The following DAB1 variants were observed in gnomAD, a reference collection of about 807,000 sequenced individuals.
DAB1 encodes disabled homolog 1.
In DAB1, 15 loss-of-function variants were observed where a neutral mutation model predicts 64.6. That is an observed-to-expected ratio of 0.23 (90% CI 0.16 to 0.36). The LOEUF is 0.36. DAB1 is among the 10% of genes least tolerant of loss of function. The probability of loss-of-function intolerance (pLI) is 1.00; values close to 1 mark genes in which losing one functional copy is unlikely to be tolerated. For missense variants in DAB1, 596 were observed against 706.7 expected, an observed-to-expected ratio of 0.84 and a Z score of 1.78; for synonymous variants, 235 against 251.9, an observed-to-expected ratio of 0.93 and a Z score of 0.64.
At chr1:57,785,335 A>C (rs2101850492) in intron 6 of DAB1, among the ~76,000 whole-genome samples, 1 of 152,318 alleles carries the variant, frequency 6.6e-6, no homozygotes, top group African/African-American at 2.4e-5. Flanking sequence ...ATCAAGGAGT[A>C]ATTTTGACTT....
rs932589778 is a variant in DAB1 at position 58,140,577 on chromosome 1, T to TA, written n.387+9933dup. ...ATCCTTTAGGAGTTCACAGGAGAAC[T>TA]AAAAAAAAAAAATCTCTAATTATAT... On this transcript the variant is annotated intron_variant and non_coding_transcript_variant, in intron 5 of 20. Coordinates refer to the DAB1 transcript ENST00000485760. Among the ~76,000 whole-genome samples, 681 of 146,380 alleles carry TA rather than the reference T, an allele frequency of 4.7e-3. 6 individuals are homozygous for TA. The highest frequency in any genetic ancestry group is 0.015 in the African/African-American group (589 of 40,216).
At chr1:57,327,786 C>T (rs1234195976) in intron 1 of DAB1, among the ~76,000 whole-genome samples, 1 of 152,054 alleles carries the variant, frequency 6.6e-6, no homozygotes, top group Non-Finnish European at 1.5e-5. Flanking sequence ...ATTTGAGCGG[C>T]CAAATCAATT....
At chr1:57,976,175 T>A (rs1222381641) in intron 5 of DAB1, among the ~76,000 whole-genome samples, 2 of 152,192 alleles carry the variant, frequency 1.3e-5, no homozygotes, top group African/African-American at 4.8e-5. Context: ...CTCTGGTTTT[T>A]CATTTCCCTG....
At chr1:58,534,241 T>A (rs536806050) in intron 1 of DAB1, 4 of 872,018 alleles carry the variant, frequency 4.6e-6, no homozygotes, top group Non-Finnish European at 8.0e-6. Flanking sequence ...ACATCTTTAT[T>A]GCATTCAATT....
At chr1:57,437,187 A>G (rs1391605302) in intron 7 of DAB1, among the ~76,000 whole-genome samples, 1 of 152,162 alleles carries the variant, frequency 6.6e-6, no homozygotes, top group African/African-American at 2.4e-5. Context: ...CCAAACCTTG[A>G]TATTCTGTAA....
In DAB1 at chr1:57,142,229, C is replaced by T. The variant is rs114272202; in HGVS notation, c.207+3061G>A. Among the ~76,000 whole-genome samples the T allele has an allele frequency of 4.9e-4, 75 of 152,240 alleles. 1 individual carries two copies. Among genetic ancestry groups the T allele is most frequent in the African/African-American group, 1.6e-3 (65 of 41,538 alleles). ...GAGAAAACTCTCTAATGCAAGAACACGCACCAGCTTCAGAGAGTCTAGCAA... is the reference window on the plus strand; with the variant it reads ...GAGAAAACTCTCTAATGCAAGAACATGCACCAGCTTCAGAGAGTCTAGCAA... On this transcript the variant is annotated intron_variant, in intron 3 of 14. Coordinates refer to ENST00000371236, the MANE Select transcript of DAB1 (RefSeq NM_001365792.1).
intron 4 of DAB1, among the ~76,000 whole-genome samples, chr1:57,083,482 A>AGT (rs1652756588): frequency 1.3e-5 from 2 of 152,208 alleles, no homozygotes; most frequent in Non-Finnish European, 2.9e-5. Context: ...CAGGTAAATG[A>AGT]ATGCGCTTGA....
chr1:57,092,611 C>T (rs1454177006), intron 4 of DAB1, among the ~76,000 whole-genome samples: 1 of 144,776 alleles, frequency 6.9e-6, no homozygotes, highest in African/African-American at 2.6e-5. Context: ...AAACCTCCTT[C>T]TTTATAAATT....
intron 7 of DAB1, among the ~76,000 whole-genome samples, chr1:57,546,506 T>C (rs746131810): frequency 6.6e-6 from 1 of 152,174 alleles, no homozygotes; most frequent in Non-Finnish European, 1.5e-5. Flanking sequence ...CACTTACTTT[T>C]TGAGCCTTAG....
At chr1:57,952,929 G>A (rs190118546) in intron 5 of DAB1, among the ~76,000 whole-genome samples, 157 of 152,208 alleles carry the variant, frequency 1.0e-3, no homozygotes, top group African/African-American at 3.5e-3. Flanking sequence ...GACTTGCACC[G>A]ATCATAATCA....
At chr1:57,408,270 T>C (rs1460487382) in intron 1 of DAB1, among the ~76,000 whole-genome samples, 4 of 146,168 alleles carry the variant, frequency 2.7e-5, no homozygotes, top group Non-Finnish European at 3.0e-5. Flanking sequence ...AATGTGTTCA[T>C]AATGCAGACT....
chr1:58,482,222 G>A (rs1185976587), intron 3 of DAB1, among the ~76,000 whole-genome samples: 5 of 152,136 alleles, frequency 3.3e-5, no homozygotes, highest in East Asian at 1.9e-4. Context: ...GAGGGCTTAC[G>A]TCTCATCCTG....
rs58869076 is a variant in DAB1, at chr1:57,227,013, C to CA, written c.67+63950dup. On this transcript the variant is annotated intron_variant, in intron 2 of 14. Coordinates refer to ENST00000371236, the MANE Select transcript of DAB1 (RefSeq NM_001365792.1). ...GGCAACATAGTGAGACACCATCTCT[C>CA]AAAAAAAAAAAAAATTGCCATGTGT... Among the ~76,000 whole-genome samples, 454 of 137,416 alleles carry CA rather than the reference C, an allele frequency of 3.3e-3. 1 individual carries two copies. The highest frequency in any genetic ancestry group is 0.019 in the Middle Eastern group (5 of 260). The allele number at this position is 137,416 out of a possible 152,430, so 90.2% of individuals were successfully genotyped here. A position where few individuals can be genotyped will look rare whatever the true frequency, so the allele number is the denominator to read the frequency against.
chr1:58,280,903 G>A (rs78008846), intron 4 of DAB1, among the ~76,000 whole-genome samples: 20,090 of 152,172 alleles, frequency 0.13, 1,551 homozygotes, highest in Admixed American at 0.19. Context: ...TTTAGAGACC[G>A]TAAGAGCAAA....
chr1:57,149,985 C>T (rs1050812838), intron 2 of DAB1, among the ~76,000 whole-genome samples: 2 of 152,158 alleles, frequency 1.3e-5, no homozygotes, highest in Non-Finnish European at 2.9e-5. Context: ...ACTAAAGTTA[C>T]TTCTCATCCT....
chr1:57,403,763 T>C (rs1432539898), intron 1 of DAB1, among the ~76,000 whole-genome samples: 1 of 152,174 alleles, frequency 6.6e-6, no homozygotes, highest in Non-Finnish European at 1.5e-5. Flanking sequence ...CAGAATGATA[T>C]AAGCCCATGC....
intron 2 of DAB1, among the ~76,000 whole-genome samples, chr1:57,196,587 T>C (rs1664641660): frequency 6.6e-6 from 1 of 152,224 alleles, no homozygotes; most frequent in Admixed American, 6.5e-5. Flanking sequence ...GCAATCCTGT[T>C]TAATTAAGGT....
chr1:57,502,418 G>A lies in DAB1; in HGVS notation n.625+147174C>T, dbSNP rs376052044. ...CTTGGCAAAAGAGTTGAAGCAGGGC[G>A]AATAAAGAATATGTTGATGTTAGGC... On this transcript the variant is annotated intron_variant and non_coding_transcript_variant, in intron 7 of 20. Coordinates refer to the DAB1 transcript ENST00000485760. Among the ~76,000 whole-genome samples the A allele has an allele frequency of 1.1e-4, 17 of 152,010 alleles. No individual in the cohort carries two copies. The South Asian group carries it at 1.5e-3, about 13-fold the overall frequency.
chr1:58,303,615 A>C (rs1662224507), intron 4 of DAB1, among the ~76,000 whole-genome samples: 1 of 152,200 alleles, frequency 6.6e-6, no homozygotes. Context: ...ATGGAATCCT[A>C]TGTCATTCCT....
Sources: gnomAD v4.1 joint callset for allele counts (sites outside exome capture counted in the v4.1 genomes callset) on GRCh38, gnomAD v4.1.1 for gene constraint, MANE v1.5 for transcripts, NCBI Gene and HGNC (gene_info 2026-07-23, HGNC 2026-07-21) for gene names.